INSL6: variants seen among roughly 807,000 people sequenced by gnomAD.
INSL6 encodes the protein insulin like 6.
INSL6 carries 16 observed loss-of-function variants against 9.4 expected under a neutral mutation model. That is an observed-to-expected ratio of 1.70 (90% CI 1.15 to 2.59). The LOEUF (loss-of-function observed/expected upper bound fraction) is 2.59, where lower values mean the gene tolerates loss of function less well. Among genes scored for constraint, INSL6 ranks in the 30% most tolerant of loss-of-function variants. The probability of loss-of-function intolerance (pLI) is 0.00; values close to 1 mark genes in which losing one functional copy is unlikely to be tolerated. For synonymous variants in INSL6, 154 were observed against 96.9 expected, an observed-to-expected ratio of 1.59 and a Z score of -3.46; for missense variants, 391 against 257.3, an observed-to-expected ratio of 1.52 and a Z score of -3.56.
At chr9:5,062,413 C>T in the INSL6 span, among the ~76,000 whole-genome samples, 3 of 138,956 alleles carry the variant, frequency 2.2e-5, no homozygotes, top group East Asian at 4.5e-4. Flanking sequence ...AAACATGACA[C>T]ATAGGAAGTA....
chr9:5,023,985 G>C, the INSL6 span, among the ~76,000 whole-genome samples: 1 of 152,018 alleles, frequency 6.6e-6, no homozygotes, highest in African/African-American at 2.4e-5. Context: ...GGCCGGGCAC[G>C]GTGGCTTACA....
At chr9:5,138,729 A>C (rs1824432759) in intron 2 of INSL6, among the ~76,000 whole-genome samples, 1 of 37,120 alleles carries the variant, frequency 2.7e-5, no homozygotes, top group Non-Finnish European at 7.7e-5. Flanking sequence ...TTAAACTATA[A>C]TAAAAAAAAA....
rs536829913 is a variant in INSL6 at position 5,145,957 on chromosome 9, C to T, written c.377-12365G>A. Among the ~76,000 whole-genome samples the T allele has an allele frequency of 4.6e-5, 7 of 152,290 alleles. No homozygotes were observed. In the South Asian group the frequency reaches 1.5e-3, roughly 32 times the overall value. ...ATTCTACTTCTGTCATTTCAGCCAT[C>T]TCAGCCTCAATCAAGTCCTTAACTC... On this transcript the variant is annotated intron_variant, in intron 2 of 3. Coordinates refer to the INSL6 transcript ENST00000649639.
the INSL6 span, among the ~76,000 whole-genome samples, chr9:5,079,553 T>C: frequency 6.6e-6 from 1 of 151,862 alleles, no homozygotes; most frequent in South Asian, 2.1e-4. Context: ...CATTAGAACA[T>C]CTCTGAATGA....
the INSL6 span, among the ~76,000 whole-genome samples, chr9:5,089,493 G>A: frequency 8.9e-5 from 12 of 134,244 alleles, no homozygotes; most frequent in Admixed American, 1.6e-4. Flanking sequence ...AGCCGAGATC[G>A]TGCCACTGCA....
the INSL6 span, among the ~76,000 whole-genome samples, chr9:5,118,127 C>A: frequency 6.6e-6 from 1 of 152,198 alleles, no homozygotes; most frequent in Non-Finnish European, 1.5e-5. Context: ...CGCCACTGCA[C>A]TCCAGCCTGG....
At chr9:5,153,627 G>A (rs1586865420) in intron 2 of INSL6, among the ~76,000 whole-genome samples, 1 of 152,190 alleles carries the variant, frequency 6.6e-6, no homozygotes, top group Admixed American at 6.5e-5. Context: ...CTTCAGCAAA[G>A]TCTCAGGATA....
chr9:5,112,536 G>T, the INSL6 span: 2 of 596,474 alleles, frequency 3.4e-6, no homozygotes, highest in East Asian at 3.0e-5. Flanking sequence ...AGGCCGAGTG[G>T]GAGAAGCAGG....
intron 1 of INSL6, among the ~76,000 whole-genome samples, chr9:5,175,383 G>A (rs531261933): frequency 6.6e-6 from 1 of 151,952 alleles, no homozygotes; most frequent in Non-Finnish European, 1.5e-5. Flanking sequence ...TTCTACTCTT[G>A]CCTTTCTACA....
chr9:5,182,765 C>T (rs1825485171), intron 1 of INSL6, among the ~76,000 whole-genome samples: 1 of 152,018 alleles, frequency 6.6e-6, no homozygotes, highest in Admixed American at 6.5e-5. Flanking sequence ...ATGATTTCAC[C>T]TGGCACTAAT....
the INSL6 span, among the ~76,000 whole-genome samples, chr9:5,115,823 C>T: frequency 1.3e-5 from 2 of 152,056 alleles, no homozygotes; most frequent in African/African-American, 2.4e-5. Context: ...AACCATACAC[C>T]ACTTGTTCTC....
intron 2 of INSL6, among the ~76,000 whole-genome samples, chr9:5,141,810 C>G (rs542204346): frequency 6.6e-6 from 1 of 152,024 alleles, no homozygotes. Flanking sequence ...ATGTCCTGAA[C>G]GGTATTGCCT....
At chr9:5,033,982 T>A in the INSL6 span, among the ~76,000 whole-genome samples, 3 of 152,162 alleles carry the variant, frequency 2.0e-5, no homozygotes, top group African/African-American at 7.2e-5. Flanking sequence ...CAGTGTGCTG[T>A]ATTCAGGAAA....
rs1824986532 is a variant in INSL6 at position 5,163,989 on chromosome 9, C to T, written c.566G>A (p.Ser189Asn). The T allele has an allele frequency of 7.4e-6, 12 of 1,612,754 alleles. No individual in the cohort carries two copies. The highest frequency in any genetic ancestry group is 9.3e-6 in the Non-Finnish European group (11 of 1,179,698). ...ATCAATATATGGAAGACATGCAATGCTAAGTTCTTCTTTTGTACATCCTGT... is the reference window on the plus strand; with the variant it reads ...ATCAATATATGGAAGACATGCAATGTTAAGTTCTTCTTTTGTACATCCTGT... ...CLTGCTKEEL[S>N]IACLPYIDFK... Residue 189 changes from serine (S) to asparagine (N), a missense_variant, in exon 2 of 2, where the codon AGC becomes AAC. Ser to Asn is a conservative substitution (Grantham distance 46). Coordinates refer to ENST00000381641, the MANE Select transcript of INSL6 (RefSeq NM_007179.3).
At chr9:5,137,337 A>T (rs943432650) in intron 2 of INSL6, among the ~76,000 whole-genome samples, 28 of 152,214 alleles carry the variant, frequency 1.8e-4, no homozygotes, top group African/African-American at 6.5e-4. Flanking sequence ...AAAAGAACAA[A>T]GCTGGAGGCA....
At chr9:5,105,082 T>G in the INSL6 span, among the ~76,000 whole-genome samples, 6 of 151,868 alleles carry the variant, frequency 4.0e-5, no homozygotes, top group African/African-American at 1.4e-4. Context: ...GAGAAAGAAA[T>G]AAAGGGTATT....
the INSL6 span, among the ~76,000 whole-genome samples, chr9:5,003,402 G>C: frequency 6.6e-6 from 1 of 151,862 alleles, no homozygotes; most frequent in African/African-American, 2.4e-5. Flanking sequence ...TTGTAGAAAT[G>C]TTTTACAGTT....
chr9:5,130,944 T>A (rs373109010), intron 3 of INSL6, among the ~76,000 whole-genome samples: 123 of 151,536 alleles, frequency 8.1e-4, no homozygotes, highest in African/African-American at 2.8e-3. Context: ...TTAGCCAGGA[T>A]GGTCTCGATC....
At chr9:5,107,798 C>T in the INSL6 span, 3 of 152,198 alleles carry the variant, frequency 2.0e-5, no homozygotes, top group African/African-American at 7.2e-5. Context: ...ACATTTTACT[C>T]TAGCATCTAT....
Sources: allele counts gnomAD v4.1 joint callset (sites outside exome capture counted in the v4.1 genomes callset), GRCh38; gene constraint gnomAD v4.1.1; transcripts MANE v1.5; gene names NCBI Gene and HGNC (gene_info 2026-07-23, HGNC 2026-07-21).